The following NR2F1-AS1 variants were observed in gnomAD, a reference collection of about 807,000 sequenced individuals.
The protein encoded by NR2F1-AS1 is NR2F1 antisense RNA 1.
intron 1 of NR2F1-AS1, chr5:93,569,854 GCTTT>G (rs1481719891): frequency 6.6e-6 from 1 of 152,156 alleles, no homozygotes; most frequent in East Asian, 1.9e-4. Context: ...TTAATTAGAT[GCTTT>G]CTGTTAACAA....
chr5:93,562,939 G>T (rs74870606), intron 2 of NR2F1-AS1, among the ~76,000 whole-genome samples: 2,574 of 152,216 alleles, frequency 0.017, 78 homozygotes, highest in African/African-American at 0.059. Context: ...TTCAAAACAG[G>T]ACATGAACAA....
chr5:93,534,655 G>A lies in NR2F1-AS1; in HGVS notation n.638+19106C>T, dbSNP rs1425561504. On this transcript the variant is annotated intron_variant and non_coding_transcript_variant, in intron 4 of 5. Coordinates refer to ENST00000660523, the Ensembl canonical transcript of NR2F1-AS1. The stretch of plus-strand genomic sequence containing the variant: ...TCAAATAATGAGAAAAAAGAGGTAG[G>A]AAGGCCTATACGGAAGGCCTATACC... 2.6e-5 allele frequency among the ~76,000 whole-genome samples: 4 copies of A among 152,180 alleles called. No individual in the cohort carries two copies. The East Asian group carries it at 5.8e-4, about 22-fold the overall frequency.
Position 93,537,404 on chromosome 5 carries a change from T to C in NR2F1-AS1, n.638+16357A>G, listed in dbSNP as rs1580313465. Among the ~76,000 whole-genome samples, 3 of 151,942 alleles carry C rather than the reference T, an allele frequency of 2.0e-5. 1 individual carries two copies. Among genetic ancestry groups the C allele is most frequent in the African/African-American group, 7.3e-5 (3 of 41,304 alleles). On this transcript the variant is annotated intron_variant and non_coding_transcript_variant, in intron 4 of 5. Transcript: ENST00000660523. ...TTCTCCTACAGAATAGGAGAAAATA[T>C]TTGCATATTGTACCTCTGACAAGGG...
intron 4 of NR2F1-AS1, among the ~76,000 whole-genome samples, chr5:93,473,803 G>A (rs1426333342): frequency 2.0e-5 from 3 of 151,674 alleles, no homozygotes; most frequent in African/African-American, 4.8e-5. Flanking sequence ...ACCTTGCTTA[G>A]CCACTATTCA....
chr5:93,577,807 C>G (rs1179854251), intron 1 of NR2F1-AS1, among the ~76,000 whole-genome samples: 2 of 152,264 alleles, frequency 1.3e-5, no homozygotes, highest in Non-Finnish European at 1.5e-5. Flanking sequence ...ATGTTCATCT[C>G]TCCAGATGGG....
At chr5:93,474,767 T>C (rs542675425) in intron 4 of NR2F1-AS1, among the ~76,000 whole-genome samples, 18 of 152,268 alleles carry the variant, frequency 1.2e-4, no homozygotes, top group African/African-American at 4.1e-4. Flanking sequence ...GCCAAGCCAA[T>C]ACATTGGAGA....
At chr5:93,561,850 G>A (rs1384490604) in intron 2 of NR2F1-AS1, among the ~76,000 whole-genome samples, 1 of 151,942 alleles carries the variant, frequency 6.6e-6, no homozygotes, top group Non-Finnish European at 1.5e-5. Context: ...TATTCTTAGT[G>A]TAGTTCCTAA....
At chr5:93,466,122 A>C (rs1225857206) in intron 4 of NR2F1-AS1, among the ~76,000 whole-genome samples, 1 of 152,036 alleles carries the variant, frequency 6.6e-6, no homozygotes, top group Non-Finnish European at 1.5e-5. Flanking sequence ...GGAGGGATGG[A>C]AGCAAAAGAG....
chr5:93,478,239 G>T (rs1026030694), intron 4 of NR2F1-AS1, among the ~76,000 whole-genome samples: 2 of 152,146 alleles, frequency 1.3e-5, no homozygotes, highest in Non-Finnish European at 2.9e-5. Context: ...AGAAAAGACT[G>T]TTCCACAGAC....
chr5:93,584,968 C>A, upstream of NR2F1-AS1: 2 of 865,642 alleles, frequency 2.3e-6, no homozygotes, highest in Non-Finnish European at 2.8e-6. Context: ...GCCCGCGCGC[C>A]CCGCGGCCCT....
intron 4 of NR2F1-AS1, among the ~76,000 whole-genome samples, chr5:93,416,148 A>C (rs1211596560): frequency 6.6e-6 from 1 of 152,222 alleles, no homozygotes; most frequent in East Asian, 1.9e-4. Flanking sequence ...AAGAAGATGA[A>C]AATAAAATTA....
chr5:93,445,751 A>G (rs1749690577), intron 4 of NR2F1-AS1, among the ~76,000 whole-genome samples: 1 of 152,202 alleles, frequency 6.6e-6, no homozygotes. Flanking sequence ...CAACAAAAAA[A>G]GAGAATTTTA....
intron 4 of NR2F1-AS1, among the ~76,000 whole-genome samples, chr5:93,550,177 TAC>T (rs1397464320): frequency 1.3e-5 from 2 of 151,348 alleles, no homozygotes; most frequent in African/African-American, 2.4e-5. Flanking sequence ...TTAAAGAAAA[TAC>T]AGTTATACTA....
intron 4 of NR2F1-AS1, among the ~76,000 whole-genome samples, chr5:93,435,512 T>C (rs1248771907): frequency 1.3e-5 from 2 of 152,160 alleles, no homozygotes; most frequent in Non-Finnish European, 1.5e-5. Flanking sequence ...AAATAGTACC[T>C]AGAAAATAGA....
At chr5:93,447,952 G>A (rs1749751085) in intron 4 of NR2F1-AS1, among the ~76,000 whole-genome samples, 1 of 152,134 alleles carries the variant, frequency 6.6e-6, no homozygotes, top group African/African-American at 2.4e-5. Context: ...AGCAAGGACA[G>A]AAAACCAAAC....
At chr5:93,414,387 G>T (rs1406743050) in intron 4 of NR2F1-AS1, among the ~76,000 whole-genome samples, 3 of 152,162 alleles carry the variant, frequency 2.0e-5, no homozygotes, top group African/African-American at 7.2e-5. Context: ...GCTAGGTATG[G>T]TTGATGGGAT....
intron 4 of NR2F1-AS1, among the ~76,000 whole-genome samples, chr5:93,428,260 T>C (rs1749237021): frequency 1.3e-5 from 2 of 152,144 alleles, no homozygotes; most frequent in African/African-American, 4.8e-5. Context: ...GTACAGCAAA[T>C]GATTGTCAGC....
intron 4 of NR2F1-AS1, among the ~76,000 whole-genome samples, chr5:93,446,376 C>T (rs1256095368): frequency 2.0e-5 from 3 of 152,236 alleles, no homozygotes; most frequent in African/African-American, 7.2e-5. Flanking sequence ...AATCAATGTG[C>T]AAAAATCACA....
chr5:93,459,662 A>G (rs893240617), intron 4 of NR2F1-AS1, among the ~76,000 whole-genome samples: 1 of 152,210 alleles, frequency 6.6e-6, no homozygotes, highest in East Asian at 1.9e-4. Context: ...AATACTAGCC[A>G]ATCTTTTCCC....
Sources: gnomAD v4.1 joint callset for allele counts (sites outside exome capture counted in the v4.1 genomes callset) on GRCh38, gnomAD v4.1.1 for gene constraint, MANE v1.5 for transcripts, NCBI Gene and HGNC (gene_info 2026-07-23, HGNC 2026-07-21) for gene names.